The following NEB variants were observed in gnomAD, a reference collection of about 807,000 sequenced individuals.
The protein encoded by NEB is nebulin.
Under a neutral mutation model 952.2 loss-of-function variants are expected in NEB, and 512 were observed. The observed-to-expected ratio is 0.54, with a 90% CI of 0.50 to 0.58. The LOEUF (loss-of-function observed/expected upper bound fraction) is 0.58. Ranked by LOEUF, NEB falls within the 20% of genes least tolerant of loss-of-function variation. The probability of loss-of-function intolerance (pLI) is 0.00; values close to 1 mark genes in which losing one functional copy is unlikely to be tolerated. For synonymous variants in NEB, 2,900 were observed against 3,149.8 expected (o/e 0.92, Z 2.66); for missense variants, 8,428 against 9,231.1 (o/e 0.91, Z 3.56).
At chr2:151,562,550 G>C in intron 120 of NEB, 61 bp downstream of exon 120, 3 of 1,425,740 alleles carry the variant, frequency 2.1e-6, no homozygotes, top group Non-Finnish European at 2.8e-6. Flanking sequence ...AGGGTTGGGG[G>C]GTAGCCAAGA....
Position 151,547,632 on chromosome 2 carries a change from A to G in NEB, c.20262+2T>C. 6.2e-7 allele frequency: 1 copy of G among 1,613,166 alleles called. No individual in the cohort carries two copies. The highest frequency in any genetic ancestry group is 8.5e-7 in the Non-Finnish European group (1 of 1,179,396). On this transcript the variant is annotated splice_donor_variant, in intron 132 of 181. Transcript: ENST00000397345. LOFTEE classifies it high-confidence loss of function. ...CCCTGTCTTTCCTAAGAAAATACCC[A>G]CCTCACTGACAGCCTCTTGTGTCTT...
intron 9 of NEB, among the ~76,000 whole-genome samples, chr2:151,722,844 C>T (rs1392184313): frequency 6.6e-6 from 1 of 152,176 alleles, no homozygotes; most frequent in Non-Finnish European, 1.5e-5. Context: ...TCACCACATC[C>T]AGCCACAAAT....
At position 151,563,832 on chromosome 2, in the gene NEB, C is replaced by T; in HGVS notation, c.18570G>A (p.Val6190=). 1 of 1,613,428 alleles carries T rather than the reference C, an allele frequency of 6.2e-7. No homozygotes were observed. Among genetic ancestry groups the T allele is most frequent in the South Asian group, 1.1e-5 (1 of 91,060 alleles). The change falls in exon 118 of 182, where the codon GTG becomes GTA. Residue 6190 remains valine (V), a synonymous_variant. Coordinates refer to ENST00000397345, the MANE Select transcript of NEB (RefSeq NM_001164508.2). ...PIVGAKHADL[V]NSELKYKETY... ...AAAAGGTCATACTGACCTCACTGTT[C>T]ACCAGATCAGCATGCTTGGCTCCAA... is the stretch of plus-strand genomic sequence containing the variant.
In NEB at chr2:151,525,472, G is replaced by A. The variant is rs77674470; in HGVS notation, c.22162-199C>T. On this transcript the variant is annotated intron_variant, in intron 150 of 181. Transcript: ENST00000397345. ...ACACTAGAACCACCTGGCAATCTTCGGAGAACCTGGGTAGAGGCAAATTAA... is the reference window on the plus strand; with the variant it reads ...ACACTAGAACCACCTGGCAATCTTCAGAGAACCTGGGTAGAGGCAAATTAA... Among the ~76,000 whole-genome samples, 46 of 152,214 alleles carry A rather than the reference G, an allele frequency of 3.0e-4. No homozygotes were observed. In the East Asian group the frequency reaches 3.5e-3, roughly 11 times the overall value.
rs778593702 is a variant in NEB at position 151,729,614 on chromosome 2, C to A, written c.78+1G>T. The A allele has an allele frequency of 6.2e-7, 1 of 1,613,284 alleles. No individual in the cohort carries two copies. The highest frequency in any genetic ancestry group is 8.5e-7 in the Non-Finnish European group (1 of 1,179,410). On this transcript the variant is annotated splice_donor_variant, in intron 4 of 181. Transcript: ENST00000397345. LOFTEE classifies it high-confidence loss of function. ...TTATGCAGCTGTGGGCTGGGCCTTA[C>A]CTCTCCCGGCACCTCTTCGTAAACC...
rs747342665 is a variant in NEB at position 151,492,491 on chromosome 2, G to C, written c.24769C>G (p.Leu8257Val). The change falls in exon 177 of 182, where the codon CTT becomes GTT. Residue 8257 changes from leucine (L) to valine (V), a missense_variant. By Grantham distance (32) the Leu-to-Val change is conservative. Around this residue, in one of 11 missense-constraint regions of NEB, gnomAD observed 3,374 missense variants for 3,651.5 expected, o/e 0.92. Transcript: ENST00000397345. ...TGTTTCCGGAAACTATCAGAATAAA[G>C]AACCTGATGCAGGAGAGACCGTGAA... ...KRNQENISSV[L>V]YSDSFRKQIQ... The C allele has an allele frequency of 6.2e-7, 1 of 1,608,092 alleles. No homozygotes were observed. The highest frequency in any genetic ancestry group is 1.7e-4 in the Middle Eastern group (1 of 6,018).
At chr2:151,611,745 A>C (rs577565427) in intron 78 of NEB, among the ~76,000 whole-genome samples, 1 of 152,344 alleles carries the variant, frequency 6.6e-6, no homozygotes, top group Admixed American at 6.5e-5. Context: ...TGGAGGAGCA[A>C]CCTGAGCAAC....
chr2:151,661,508 T>G (rs2099149320), intron 46 of NEB, among the ~76,000 whole-genome samples: 1 of 152,228 alleles, frequency 6.6e-6, no homozygotes, highest in Non-Finnish European at 1.5e-5. Flanking sequence ...GATCCACCAG[T>G]GCTGCTGCAG....
chr2:151,702,419 C>T (rs1232049990), intron 13 of NEB, among the ~76,000 whole-genome samples: 2 of 152,036 alleles, frequency 1.3e-5, no homozygotes, highest in Admixed American at 6.5e-5. Flanking sequence ...CCTTGATATC[C>T]CTGTTGACTT....
chr2:151,706,814 T>C lies in NEB; in HGVS notation c.1152+67A>G. On this transcript the variant is annotated intron_variant, in intron 13 of 181. Coordinates refer to ENST00000397345, the MANE Select transcript of NEB (RefSeq NM_001164508.2). ...CAAAGTTATATATTCATTTAGTCAT[T>C]AAAGGAGAAAATTTTCATCTCTTTT... 4 of 1,158,086 alleles carry C rather than the reference T, an allele frequency of 3.5e-6. No individual in the cohort carries two copies. The South Asian group carries it at 5.5e-5, about 16-fold the overall frequency. 71.7% of individuals were successfully genotyped at this position (1,158,086 alleles called of 1,614,324 possible).
At chr2:151,622,963 A>T (rs2098447870) in intron 71 of NEB, among the ~76,000 whole-genome samples, 1 of 152,192 alleles carries the variant, frequency 6.6e-6, no homozygotes, top group South Asian at 2.1e-4. Flanking sequence ...TGATTATGAA[A>T]GAAGTGGGAT....
At chr2:151,550,947 A>AATT (rs5835373) in intron 129 of NEB, among the ~76,000 whole-genome samples, 36,448 of 138,712 alleles carry the variant, frequency 0.26, 5,059 homozygotes, top group East Asian at 0.37. Flanking sequence ...GCCTGGCCAA[A>AATT]ATTATTATTA....
At chr2:151,508,723 C>T (rs2071369346) in intron 161 of NEB, among the ~76,000 whole-genome samples, 1 of 152,210 alleles carries the variant, frequency 6.6e-6, no homozygotes. Context: ...ACAGACACAC[C>T]TGGAGCACTA....
chr2:151,497,086 T>C, intron 171 of NEB, 53 bp from the exon 172 acceptor site: 12 of 1,531,252 alleles, frequency 7.8e-6, no homozygotes, highest in Non-Finnish European at 9.7e-6. Flanking sequence ...ATTTCATTTG[T>C]TGAAAGGTTT....
chr2:151,716,331 G>A (rs2099759309), intron 10 of NEB, among the ~76,000 whole-genome samples: 1 of 151,922 alleles, frequency 6.6e-6, no homozygotes, highest in Admixed American at 6.6e-5. Flanking sequence ...GTAGAGATGG[G>A]GTTTCACCAT....
intron 180 of NEB, 89 bp from the exon 181 acceptor site, chr2:151,490,166 C>A: frequency 8.2e-7 from 1 of 1,214,268 alleles, no homozygotes; most frequent in Non-Finnish European, 1.2e-6. Flanking sequence ...TGTCTTTTTC[C>A]CCCAACTTAG....
chr2:151,668,939 G>C (rs140608564), intron 39 of NEB, 88 bp downstream of exon 39: 2 of 953,844 alleles, frequency 2.1e-6, no homozygotes, highest in Middle Eastern at 2.2e-4. Context: ...ACTGAATTGC[G>C]CCCCCTACAA....
chr2:151,675,393 T>C lies in NEB; in HGVS notation c.3775-2A>G. The C allele has an allele frequency of 6.5e-7, 1 of 1,532,278 alleles. No homozygotes were observed. The highest frequency in any genetic ancestry group is 8.9e-7 in the Non-Finnish European group (1 of 1,123,814). The allele number at this position is 1,532,278 out of a possible 1,614,324, so 94.9% of individuals were successfully genotyped here. A position where few individuals can be genotyped will look rare whatever the true frequency, so the allele number is the denominator to read the frequency against. On this transcript the variant is annotated splice_acceptor_variant, in intron 34 of 181. Coordinates refer to ENST00000397345, the MANE Select transcript of NEB (RefSeq NM_001164508.2). LOFTEE classifies it high-confidence loss of function. ...TTCTCCTTTAGCCTTGTATAAGATC[T>C]GCAATAAAATGCATTTCACATAGTG...
At chr2:151,563,467 G>A (rs1449329099) in intron 119 of NEB, 139 bp downstream of exon 119, 2 of 730,786 alleles carry the variant, frequency 2.7e-6, no homozygotes, top group Non-Finnish European at 4.8e-6. Flanking sequence ...TGACTTGGAG[G>A]GGTGAGGAAA....
Sources: gnomAD v4.1 joint callset for allele counts (sites outside exome capture counted in the v4.1 genomes callset) on GRCh38, gnomAD v4.1.1 for gene constraint, gnomAD v4.1.1 regional missense constraint, MANE v1.5 for transcripts, NCBI Gene and HGNC (gene_info 2026-07-23, HGNC 2026-07-21) for gene names.